The following TBCK variants were observed in gnomAD, a reference collection of about 807,000 sequenced individuals.
TBCK encodes the protein TBC1 domain containing kinase.
A neutral mutation model predicts 113.4 loss-of-function variants in TBCK; 99 were observed. That is an observed-to-expected ratio of 0.87 (90% confidence interval 0.74 to 1.03). TBCK has a LOEUF of 1.03. TBCK is among the 50% of genes least tolerant of loss of function. The pLI is 0.00. For synonymous variants in TBCK, 369 were observed against 370.8 expected, an observed-to-expected ratio of 1.00 and a Z score of 0.05; for missense variants, 1,045 against 1,061.3, an observed-to-expected ratio of 0.98 and a Z score of 0.21.
chr4:106,053,256 T>C (rs1022943365), intron 25 of TBCK, among the ~76,000 whole-genome samples: 3 of 151,618 alleles, frequency 2.0e-5, no homozygotes, highest in Non-Finnish European at 4.4e-5. Context: ...GCAAGAAGCC[T>C]ATTCTCTCTC....
Position 106,068,791 on chromosome 4 carries a change from G to A in TBCK, c.2572-22111C>T, listed in dbSNP as rs796256004. ...TGTAAAAGTGTTCCTATTTCTCCAC[G>A]TCCTCTCCAGCACCTGTTGCTTTCT... On this transcript the variant is annotated intron_variant, in intron 25 of 25. Coordinates refer to ENST00000394708, the MANE Select transcript of TBCK (RefSeq NM_001163435.3). Among the ~76,000 whole-genome samples, 359 of 152,138 alleles carry A rather than the reference G, an allele frequency of 2.4e-3. 1 individual carries two copies. The highest frequency in any genetic ancestry group is 8.1e-3 in the African/African-American group (338 of 41,510).
intron 25 of TBCK, among the ~76,000 whole-genome samples, chr4:106,062,774 CA>C (rs1736192524): frequency 6.6e-6 from 1 of 151,842 alleles, no homozygotes; most frequent in Non-Finnish European, 1.5e-5. Flanking sequence ...ATGTGAGTGC[CA>C]AAGATCACAA....
chr4:106,051,197 C>T (rs1734767201), intron 25 of TBCK, among the ~76,000 whole-genome samples: 1 of 151,846 alleles, frequency 6.6e-6, no homozygotes, highest in Admixed American at 6.6e-5. Flanking sequence ...TCATGTCTCT[C>T]ACTGGGCCCT....
chr4:106,200,541 G>C (rs1560808796), intron 20 of TBCK, among the ~76,000 whole-genome samples: 1 of 151,894 alleles, frequency 6.6e-6, no homozygotes. Context: ...CCCTGTCTCA[G>C]AAATAAATAA....
At position 106,236,090 on chromosome 4, in the gene TBCK, T is replaced by C. The variant is rs1292611706; in HGVS notation, c.1350+300A>G. Among the ~76,000 whole-genome samples the C allele has an allele frequency of 3.9e-5, 6 of 152,012 alleles. No individual in the cohort carries two copies. In the East Asian group the frequency reaches 9.6e-4, roughly 24 times the overall value. Reference sequence around the variant, plus strand: ...AGCTGTATTTATATTATGTACTCTATCCATTTCTCTGTTTCAATATTGATG... The same window carrying C: ...AGCTGTATTTATATTATGTACTCTACCCATTTCTCTGTTTCAATATTGATG... On this transcript the variant is annotated intron_variant, in intron 14 of 25. Coordinates refer to ENST00000394708, the MANE Select transcript of TBCK (RefSeq NM_001163435.3).
chr4:106,110,657 T>C (rs1001903113), intron 24 of TBCK, among the ~76,000 whole-genome samples: 1 of 152,126 alleles, frequency 6.6e-6, no homozygotes, highest in African/African-American at 2.4e-5. Context: ...TTAAACAACA[T>C]GATGTACAAG....
At chr4:106,197,795 T>A (rs1754437100) in intron 20 of TBCK, among the ~76,000 whole-genome samples, 1 of 152,056 alleles carries the variant, frequency 6.6e-6, no homozygotes, top group South Asian at 2.1e-4. Flanking sequence ...ATTATTATAG[T>A]CACTTAGGTA....
chr4:106,197,432 T>TATATATAA lies in TBCK; in HGVS notation c.1861-2679_1861-2678insTTATATAT, dbSNP rs753980118. Among the ~76,000 whole-genome samples the TATATATAA allele has an allele frequency of 6.8e-5, 10 of 146,476 alleles. No individual in the cohort carries two copies. The South Asian group carries it at 1.3e-3, about 19-fold the overall frequency. On this transcript the variant is annotated intron_variant, in intron 20 of 25. Coordinates refer to ENST00000394708, the MANE Select transcript of TBCK (RefSeq NM_001163435.3). ...GTGTGTATATATATATATATATATA[T>TATATATAA]AATACAAAGTAGGGCAGAAACCACT...
chr4:106,086,035 G>A (rs1344155322), intron 25 of TBCK, among the ~76,000 whole-genome samples: 2 of 152,024 alleles, frequency 1.3e-5, no homozygotes, highest in Non-Finnish European at 2.9e-5. Context: ...ACAATTAAAA[G>A]AGCAAAAGAG....
At chr4:106,265,486 C>A (rs907810439) in intron 3 of TBCK, among the ~76,000 whole-genome samples, 1 of 151,394 alleles carries the variant, frequency 6.6e-6, no homozygotes, top group African/African-American at 2.4e-5. Context: ...TTAGTCCTAT[C>A]TATTATATAA....
Position 106,231,747 on chromosome 4 carries a change from G to C in TBCK, c.1672C>G (p.Leu558Val). The change falls in exon 18 of 26, where the codon CTA becomes GTA. Residue 558 changes from leucine to valine, a missense_variant. Coordinates refer to ENST00000394708, the MANE Select transcript of TBCK (RefSeq NM_001163435.3). ...GGCTTACCTTCATTATTGAAGTTTA[G>C]ATATAGGAATGGAGCACAAAGTGAG... ...LDSLCAPFLY[L>V]NFNNEALAYA... The C allele has an allele frequency of 6.2e-7, 1 of 1,609,368 alleles. No homozygotes were observed. The highest frequency in any genetic ancestry group is 1.3e-5 in the African/African-American group (1 of 74,770).
Position 106,044,512 on chromosome 4 carries a change from A to G in TBCK, c.*2058T>C, listed in dbSNP as rs1734046648. On this transcript the variant is annotated 3_prime_UTR_variant, in exon 26 of 26. Transcript: ENST00000394708. ...GAAATACATAGTAGGTATTCAAAAC[A>G]TATTTGGTGAATGACCAAATAAATT... is the stretch of plus-strand genomic sequence containing the variant. The G allele has an allele frequency of 6.6e-6, 1 of 152,232 alleles. No individual in the cohort carries two copies. Among genetic ancestry groups the G allele is most frequent in the South Asian group, 2.1e-4 (1 of 4,828 alleles). 9.4% of individuals were successfully genotyped at this position (152,232 alleles called of 1,614,324 possible).
At chr4:106,271,641 A>G (rs146671806) in intron 3 of TBCK, among the ~76,000 whole-genome samples, 2,751 of 151,824 alleles carry the variant, frequency 0.018, 79 homozygotes, top group African/African-American at 0.061. Flanking sequence ...AATCCCAGCT[A>G]CTTGGGAGGC....
rs1004654511 is a variant in TBCK, at chr4:106,235,251, CTTTTCTT to C, written c.1449+11_1449+17del. The C allele has an allele frequency of 1.3e-6, 2 of 1,552,406 alleles. No homozygotes were observed. Among genetic ancestry groups the C allele is most frequent in the Admixed American group, 3.7e-5 (2 of 54,642 alleles). On this transcript the variant is annotated intron_variant, in intron 15 of 25. Transcript: ENST00000394708. ...TTTGCATAATTAATCAGCTTCTAAC[CTTTTCTT>C]TTTTCCTTACCTCAACTCCCAGAAG...
At chr4:106,098,566 C>T (rs1445167864) in intron 24 of TBCK, among the ~76,000 whole-genome samples, 2 of 151,826 alleles carry the variant, frequency 1.3e-5, no homozygotes, top group Non-Finnish European at 1.5e-5. Flanking sequence ...TACTTGAAAG[C>T]GTTAAAAGAT....
intron 25 of TBCK, among the ~76,000 whole-genome samples, chr4:106,069,463 G>A (rs1404656956): frequency 6.6e-6 from 1 of 152,080 alleles, no homozygotes; most frequent in Non-Finnish European, 1.5e-5. Context: ...GTAGATGTGT[G>A]GTGTTATTTC....
At chr4:106,080,674 C>A (rs1343941344) in intron 25 of TBCK, among the ~76,000 whole-genome samples, 1 of 152,052 alleles carries the variant, frequency 6.6e-6, no homozygotes, top group Non-Finnish European at 1.5e-5. Flanking sequence ...ACAAATGGGA[C>A]CTAATTAAAC....
intron 2 of TBCK, among the ~76,000 whole-genome samples, chr4:106,295,842 C>A (rs993223373): frequency 1.3e-5 from 2 of 152,068 alleles, no homozygotes; most frequent in Admixed American, 6.5e-5. Context: ...TCATGACATA[C>A]CTTTTTTTCT....
Position 106,244,751 on chromosome 4 carries a change from A to G in TBCK, c.945T>C (p.Asp315=). 1 of 1,584,314 alleles carries G rather than the reference A, an allele frequency of 6.3e-7. No individual in the cohort carries two copies. The highest frequency in any genetic ancestry group is 1.2e-5 in the South Asian group (1 of 86,924). Residue 315 remains aspartate (D), a synonymous_variant, in exon 11 of 26, where the codon GAT becomes GAC. Coordinates refer to ENST00000394708, the MANE Select transcript of TBCK (RefSeq NM_001163435.3). ...ISQLCKDINN[D]YLAERSIEEV... is the part of the protein sequence containing the mutation. ...CTTCAATAGATCTTTCTGCCAGGTA[A>G]TCATTATTTATATCTATTAAAAGCA...
Sources: allele counts gnomAD v4.1 joint callset (sites outside exome capture counted in the v4.1 genomes callset), GRCh38; gene constraint gnomAD v4.1.1; transcripts MANE v1.5; gene names NCBI Gene and HGNC (gene_info 2026-07-23, HGNC 2026-07-21).